The following BRINP3 variants were observed in gnomAD, a reference collection of about 807,000 sequenced individuals.
BRINP3 encodes the protein BMP/retinoic acid inducible neural specific 3.
Under a neutral mutation model 71.0 loss-of-function variants are expected in BRINP3, and 19 were observed. The ratio of observed to expected loss-of-function variants is 0.27; its 90% CI spans 0.19 to 0.39. BRINP3 has a LOEUF of 0.39. Among genes scored for constraint, BRINP3 ranks in the 10% least tolerant of loss-of-function variants. The pLI, the probability that BRINP3 is intolerant of heterozygous loss-of-function variation, is 1.00. For missense variants in BRINP3, 959 were observed against 940.8 expected (o/e 1.02, Z -0.25); for synonymous variants, 380 against 337.7 (o/e 1.13, Z -1.37).
intron 4 of BRINP3, among the ~76,000 whole-genome samples, chr1:190,254,898 TG>T (rs1407907633): frequency 6.6e-6 from 1 of 152,042 alleles, no homozygotes; most frequent in Non-Finnish European, 1.5e-5. Context: ...AGTATGATAT[TG>T]TCTGAGTTTG....
intron 2 of BRINP3, among the ~76,000 whole-genome samples, chr1:190,283,545 T>C (rs1295060171): frequency 6.6e-6 from 1 of 151,500 alleles, no homozygotes; most frequent in Non-Finnish European, 1.5e-5. Flanking sequence ...CAAACCTAAG[T>C]TGATATCAAT....
intron 7 of BRINP3, among the ~76,000 whole-genome samples, chr1:190,111,607 T>C (rs1652703335): frequency 6.6e-6 from 1 of 152,100 alleles, no homozygotes; most frequent in African/African-American, 2.4e-5. Context: ...AAGTCTAATG[T>C]GGGAGAGTCT....
chr1:190,463,094 A>G (rs762677758), intron 1 of BRINP3, among the ~76,000 whole-genome samples: 2 of 151,972 alleles, frequency 1.3e-5, no homozygotes, highest in Non-Finnish European at 2.9e-5. Context: ...AATCATGGCT[A>G]AACTGGATTA....
At chr1:190,119,192 C>G (rs1169139684) in intron 7 of BRINP3, among the ~76,000 whole-genome samples, 1 of 151,954 alleles carries the variant, frequency 6.6e-6, no homozygotes, top group Non-Finnish European at 1.5e-5. Flanking sequence ...ATCATGACTT[C>G]TTAATAGTTT....
chr1:190,324,526 T>C (rs889956804), intron 2 of BRINP3, among the ~76,000 whole-genome samples: 4 of 152,016 alleles, frequency 2.6e-5, no homozygotes, highest in Non-Finnish European at 5.9e-5. Context: ...CATACTGATA[T>C]GGTCCTTCAT....
At chr1:190,132,221 A>G (rs1310299173) in intron 7 of BRINP3, among the ~76,000 whole-genome samples, 1 of 152,064 alleles carries the variant, frequency 6.6e-6, no homozygotes, top group Non-Finnish European at 1.5e-5. Flanking sequence ...ATAGATGGGT[A>G]ATTTACCTAG....
chr1:190,475,725 A>T (rs913242302), intron 1 of BRINP3: 10 of 152,224 alleles, frequency 6.6e-5, no homozygotes, highest in Admixed American at 5.9e-4. Flanking sequence ...CCTCAGATGT[A>T]AATTTCCCTT....
At chr1:190,151,970 GA>G in intron 7 of BRINP3, among the ~76,000 whole-genome samples, 1 of 152,184 alleles carries the variant, frequency 6.6e-6, no homozygotes, top group Admixed American at 6.5e-5. Flanking sequence ...ATTTAATTCT[GA>G]AAATCCCTTG....
chr1:190,419,279 C>T (rs1269772697), intron 2 of BRINP3, among the ~76,000 whole-genome samples: 1 of 151,908 alleles, frequency 6.6e-6, no homozygotes, highest in Non-Finnish European at 1.5e-5. Flanking sequence ...TTGCAAGACA[C>T]CAATTTATGA....
chr1:190,200,800 G>C (rs1654934955), intron 6 of BRINP3, among the ~76,000 whole-genome samples: 1 of 152,060 alleles, frequency 6.6e-6, no homozygotes, highest in Admixed American at 6.6e-5. Context: ...CTCAGCACAA[G>C]CTCTTTTTTT....
intron 6 of BRINP3, among the ~76,000 whole-genome samples, chr1:190,193,242 A>T (rs1654200293): frequency 2.0e-5 from 3 of 152,126 alleles, no homozygotes; most frequent in African/African-American, 7.2e-5. Context: ...ATATTAAAAA[A>T]AAATAGTCAT....
chr1:190,338,246 G>T (rs909775042), intron 2 of BRINP3, among the ~76,000 whole-genome samples: 17 of 152,016 alleles, frequency 1.1e-4, no homozygotes, highest in African/African-American at 4.1e-4. Flanking sequence ...AAACTAAATA[G>T]AGCAGACTAT....
chr1:190,133,655 T>C (rs1010960428), intron 7 of BRINP3, among the ~76,000 whole-genome samples: 1 of 151,936 alleles, frequency 6.6e-6, no homozygotes, highest in African/African-American at 2.4e-5. Context: ...AATGTAAAAA[T>C]GCAAAAACAT....
chr1:190,168,211 A>G (rs370002116), intron 6 of BRINP3, among the ~76,000 whole-genome samples: 2 of 37,830 alleles, frequency 5.3e-5, no homozygotes, highest in East Asian at 1.1e-3. Flanking sequence ...TTTAATTTGT[A>G]TATATATATA....
intron 2 of BRINP3, among the ~76,000 whole-genome samples, chr1:190,359,480 G>A (rs1455198494): frequency 3.9e-5 from 6 of 151,992 alleles, no homozygotes; most frequent in South Asian, 2.1e-4. Context: ...TTTGAGCCTC[G>A]CAGGGTACGA....
intron 6 of BRINP3, among the ~76,000 whole-genome samples, chr1:190,198,817 C>A (rs1254334196): frequency 6.6e-6 from 1 of 152,102 alleles, no homozygotes; most frequent in Non-Finnish European, 1.5e-5. Context: ...ACCTTCCTGT[C>A]TTTTGATCCC....
At chr1:190,433,397 A>G (rs576247925) in intron 2 of BRINP3, among the ~76,000 whole-genome samples, 2 of 152,176 alleles carry the variant, frequency 1.3e-5, no homozygotes, top group East Asian at 3.9e-4. Flanking sequence ...AACCTCATCT[A>G]AGATTAACAC....
At chr1:190,261,198 T>C (rs1022362385) in intron 4 of BRINP3, among the ~76,000 whole-genome samples, 6 of 152,020 alleles carry the variant, frequency 3.9e-5, no homozygotes, top group African/African-American at 1.4e-4. Context: ...TTATATAGCA[T>C]TAACGTTTAT....
chr1:190,201,995 G>C (rs1229011632), intron 6 of BRINP3, among the ~76,000 whole-genome samples: 1 of 152,156 alleles, frequency 6.6e-6, no homozygotes, highest in Non-Finnish European at 1.5e-5. Context: ...TAGTGGAGCT[G>C]TGAGAAGAGG....
Sources: allele counts gnomAD v4.1 joint callset (sites outside exome capture counted in the v4.1 genomes callset), GRCh38; gene constraint gnomAD v4.1.1; transcripts MANE v1.5; gene names NCBI Gene and HGNC (gene_info 2026-07-23, HGNC 2026-07-21).